The following SPAG16 variants were observed in gnomAD, a reference collection of about 807,000 sequenced individuals.
SPAG16 encodes the protein sperm associated antigen 16, also known as sperm-associated antigen 16 protein.
SPAG16 carries 86 observed loss-of-function variants against 80.4 expected under a neutral mutation model. The ratio of observed to expected loss-of-function variants is 1.07; its 90% confidence interval spans 0.90 to 1.28. SPAG16 has a LOEUF of 1.28. Ranked by LOEUF, SPAG16 falls within the 50% of genes most tolerant of loss-of-function variation. The pLI is 0.00. For missense variants in SPAG16, 870 were observed against 765.3 expected (o/e 1.14, Z -1.61); for synonymous variants, 294 against 265.9 (o/e 1.11, Z -1.03).
At chr2:213,473,851 C>T (rs1367897083) in intron 9 of SPAG16, among the ~76,000 whole-genome samples, 1 of 152,168 alleles carries the variant, frequency 6.6e-6, no homozygotes, top group Non-Finnish European at 1.5e-5. Flanking sequence ...TCCTCGTGGT[C>T]ACACTCTCAA....
chr2:213,777,074 T>C (rs1291880909), intron 10 of SPAG16, among the ~76,000 whole-genome samples: 7 of 151,968 alleles, frequency 4.6e-5, no homozygotes, highest in South Asian at 2.1e-4. Flanking sequence ...TACTTCACAA[T>C]TGAGAACATT....
At chr2:214,265,031 T>C (rs1691452823) in intron 15 of SPAG16, among the ~76,000 whole-genome samples, 1 of 152,194 alleles carries the variant, frequency 6.6e-6, no homozygotes, top group Non-Finnish European at 1.5e-5. Flanking sequence ...TTTCACCTAT[T>C]GAAGGACATC....
At chr2:214,062,887 A>G (rs2050345327) in intron 13 of SPAG16, among the ~76,000 whole-genome samples, 1 of 152,104 alleles carries the variant, frequency 6.6e-6, no homozygotes, top group African/African-American at 2.4e-5. Context: ...TGATTCTCCT[A>G]GCTCAGCACT....
At chr2:214,281,170 G>T in intron 15 of SPAG16, 1 of 335,068 alleles carries the variant, frequency 3.0e-6, no homozygotes. Flanking sequence ...AGTACAATAC[G>T]CTGCAGCGTA....
In SPAG16 at chr2:214,207,403, A is replaced by T. The variant is rs370320207; in HGVS notation, c.1720+58137A>T. 7.9e-5 allele frequency among the ~76,000 whole-genome samples: 12 copies of T among 152,238 alleles called. No homozygotes were observed. In the East Asian group the frequency reaches 1.7e-3, roughly 22 times the overall value. On this transcript the variant is annotated intron_variant, in intron 15 of 15. Transcript: ENST00000331683. ...AATAAAATTGATAATTTACTTGATT[A>T]TGTGCTCAGTAAAGATATACCACAA...
intron 15 of SPAG16, among the ~76,000 whole-genome samples, chr2:214,170,225 CGT>C (rs201240027): frequency 0.075 from 6,222 of 83,232 alleles, 250 homozygotes; most frequent in Non-Finnish European, 0.15. Context: ...GGTGTGTATA[CGT>C]ATACACACAC....
At chr2:213,287,599 C>A (rs1273653358) in intron 1 of SPAG16, among the ~76,000 whole-genome samples, 1 of 152,134 alleles carries the variant, frequency 6.6e-6, no homozygotes, top group African/African-American at 2.4e-5. Flanking sequence ...TCTCTCTGGG[C>A]ATTCTAATAC....
chr2:213,963,978 A>C (rs2044584951), intron 12 of SPAG16, among the ~76,000 whole-genome samples: 1 of 152,080 alleles, frequency 6.6e-6, no homozygotes, highest in East Asian at 1.9e-4. Context: ...ATCCTTTCTG[A>C]CAATCTCTGC....
chr2:214,122,477 C>G (rs2054269252), intron 14 of SPAG16, among the ~76,000 whole-genome samples: 1 of 151,814 alleles, frequency 6.6e-6, no homozygotes, highest in Admixed American at 6.6e-5. Flanking sequence ...GTGATCCTGT[C>G]TCCACTTTAG....
intron 10 of SPAG16, among the ~76,000 whole-genome samples, chr2:213,804,989 A>C (rs746927240): frequency 6.6e-6 from 1 of 152,200 alleles, no homozygotes; most frequent in African/African-American, 2.4e-5. Flanking sequence ...GCTTATTGGA[A>C]ATTTTAGCTG....
chr2:213,650,598 T>C (rs2062984817), intron 10 of SPAG16, among the ~76,000 whole-genome samples: 1 of 152,210 alleles, frequency 6.6e-6, no homozygotes, highest in Non-Finnish European at 1.5e-5. Context: ...TGTGTTCATA[T>C]AACTAAGGAA....
intron 10 of SPAG16, among the ~76,000 whole-genome samples, chr2:213,792,576 C>CTTTTTTTTTTT (rs11372174): frequency 1.3e-5 from 1 of 78,260 alleles, no homozygotes; most frequent in Non-Finnish European, 2.3e-5. Flanking sequence ...AAATGAGTAT[C>CTTTTTTTTTTT]TTTTTTTTTT....
intron 9 of SPAG16, among the ~76,000 whole-genome samples, chr2:213,444,738 A>T (rs967936417): frequency 6.6e-6 from 1 of 152,138 alleles, no homozygotes; most frequent in Non-Finnish European, 1.5e-5. Context: ...AAGAAAAAAA[A>T]TTCTAAAATT....
intron 14 of SPAG16, 57 bp from the exon 15 acceptor site, chr2:214,149,083 A>ATATATATATATATATATATG (rs2055835226): frequency 2.0e-6 from 1 of 489,412 alleles, no homozygotes; most frequent in Non-Finnish European, 3.1e-6. Flanking sequence ...GTGTGTATAT[A>ATATATATATATATATATATG]TATATATATA....
intron 9 of SPAG16, among the ~76,000 whole-genome samples, chr2:213,412,170 C>T (rs2069009953): frequency 6.6e-6 from 1 of 152,164 alleles, no homozygotes; most frequent in African/African-American, 2.4e-5. Context: ...CTGCTCCACC[C>T]TAACTCATTC....
At chr2:213,574,597 C>T (rs1399192050) in intron 10 of SPAG16, among the ~76,000 whole-genome samples, 1 of 150,656 alleles carries the variant, frequency 6.6e-6, no homozygotes, top group Non-Finnish European at 1.5e-5. Context: ...TCATGTTAAT[C>T]CCTCACCCTT....
At chr2:213,770,239 AT>A (rs1361722581) in intron 10 of SPAG16, among the ~76,000 whole-genome samples, 3 of 151,830 alleles carry the variant, frequency 2.0e-5, no homozygotes, top group Non-Finnish European at 2.9e-5. Flanking sequence ...GTGATGATTT[AT>A]TTTTTTCTTA....
chr2:213,917,187 A>T (rs1575545443), intron 11 of SPAG16, among the ~76,000 whole-genome samples: 1 of 152,086 alleles, frequency 6.6e-6, no homozygotes, highest in East Asian at 1.9e-4. Context: ...GTAGTCTAGT[A>T]GTACAGTTTA....
chr2:213,564,073 C>G (rs915013116), intron 10 of SPAG16, among the ~76,000 whole-genome samples: 1 of 152,136 alleles, frequency 6.6e-6, no homozygotes, highest in Non-Finnish European at 1.5e-5. Context: ...ATGACTTCCT[C>G]GGGTTAGGTT....
Sources: gnomAD v4.1 joint callset for allele counts (sites outside exome capture counted in the v4.1 genomes callset) on GRCh38, gnomAD v4.1.1 for gene constraint, MANE v1.5 for transcripts, NCBI Gene and HGNC (gene_info 2026-07-23, HGNC 2026-07-21) for gene names.